TUBA8: variants seen among roughly 807,000 people sequenced by gnomAD.
The protein encoded by TUBA8 is tubulin alpha 8.
In TUBA8, 29 loss-of-function variants were observed where a neutral mutation model predicts 34.7. The ratio of observed to expected loss-of-function variants is 0.84; its 90% confidence interval spans 0.62 to 1.14. TUBA8 has a LOEUF of 1.14. Among genes scored for constraint, TUBA8 ranks in the 50% most tolerant of loss-of-function variants. TUBA8 has a pLI of 0.00. For synonymous variants in TUBA8, 226 were observed against 231.2 expected, an observed-to-expected ratio of 0.98 and a Z score of 0.21; for missense variants, 541 against 599.2, an observed-to-expected ratio of 0.90 and a Z score of 1.01.
rs1370134074 is a variant in TUBA8, at chr22:18,119,903, G to A, written c.4-1576G>A. The A allele has an allele frequency of 6.6e-6, 1 of 152,218 alleles. No homozygotes were observed. 9.4% of individuals were successfully genotyped at this position (152,218 alleles called of 1,614,324 possible). On this transcript the variant is annotated intron_variant, in intron 1 of 4. Transcript: ENST00000330423. This position sits in a 1 kb window ranked among gnomAD's most constrained non-coding sequence, Gnocchi z 5.9. ...GCTCTGCCCCTGGCTTGGGTTACCC[G>A]GAGCTGGAAAATGCCAGGGCAGGTC...
chr22:18,129,087 A>G (rs999078664), intron 4 of TUBA8: 4 of 152,226 alleles, frequency 2.6e-5, no homozygotes, highest in Non-Finnish European at 5.9e-5. Flanking sequence ...TTCTAGCTAC[A>G]TATATAATTT....
chr22:18,122,035 T>A, intron 2 of TUBA8: 6 of 290,706 alleles, frequency 2.1e-5, no homozygotes, highest in Non-Finnish European at 4.0e-5. Context: ...AGTGAGCAAT[T>A]TCCCTAAGTA....
chr22:18,117,790 AAAAG>A (rs1928018056), intron 1 of TUBA8: 3 of 151,620 alleles, frequency 2.0e-5, no homozygotes, highest in East Asian at 3.8e-4. Flanking sequence ...AAAAAAAAAA[AAAAG>A]AAAGTAAATA....
chr22:18,129,237 A>C lies in TUBA8; in HGVS notation c.1057-1606A>C, dbSNP rs898529215. 6 of 152,352 alleles carry C rather than the reference A, an allele frequency of 3.9e-5. No individual in the cohort carries two copies. The East Asian group carries it at 1.2e-3, about 29-fold the overall frequency. The allele number at this position is 152,352 out of a possible 1,614,324, so 9.4% of individuals were successfully genotyped here. On this transcript the variant is annotated intron_variant, in intron 4 of 4. Coordinates refer to ENST00000330423, the MANE Select transcript of TUBA8 (RefSeq NM_018943.3). ...CAGCTAGTAGGAGAATGAATGGGGA[A>C]AAAAGAGAATGAATGAGAGACATGG...
In TUBA8 at chr22:18,121,473, C is replaced by T; in HGVS notation, c.4-6C>T. On this transcript the variant is annotated splice_polypyrimidine_tract_variant and splice_region_variant and intron_variant, in intron 1 of 4. Coordinates refer to ENST00000330423, the MANE Select transcript of TUBA8 (RefSeq NM_018943.3). This position sits in a 1 kb window ranked among gnomAD's most constrained non-coding sequence, Gnocchi z 4.8. ...CTCTGACCTCGTTGCTTCCCTCTCC[C>T]CACAGCGGGAATGCATATCAGTCCA... The T allele has an allele frequency of 6.2e-7, 1 of 1,613,274 alleles. No homozygotes were observed. Among genetic ancestry groups the T allele is most frequent in the Non-Finnish European group, 8.5e-7 (1 of 1,179,198 alleles).
chr22:18,114,333 C>G (rs1020493457), intron 1 of TUBA8: 1 of 152,290 alleles, frequency 6.6e-6, no homozygotes, highest in African/African-American at 2.4e-5. Flanking sequence ...AGCAGATGGC[C>G]TCATGGCCAG....
At chr22:18,120,650 G>A (rs1242456139) in intron 1 of TUBA8, 1 of 152,224 alleles carries the variant, frequency 6.6e-6, no homozygotes, top group African/African-American at 2.4e-5. Flanking sequence ...CCCAGTAACA[G>A]GATTGCTGAG....
At chr22:18,130,504 C>T in intron 4 of TUBA8, 3 of 391,476 alleles carry the variant, frequency 7.7e-6, no homozygotes, top group South Asian at 7.4e-5. Context: ...CTCACTGCAG[C>T]CTTGACCTCA....
rs1480940611 is a variant in TUBA8 at position 18,121,407 on chromosome 22, T to A, written c.4-72T>A. 7.2e-7 allele frequency: 1 copy of A among 1,385,642 alleles called. No homozygotes were observed. The allele number at this position is 1,385,642 out of a possible 1,614,324, so 85.8% of individuals were successfully genotyped here. A position where few individuals can be genotyped will look rare whatever the true frequency, so the allele number is the denominator to read the frequency against. On this transcript the variant is annotated intron_variant, in intron 1 of 4. Coordinates refer to ENST00000330423, the MANE Select transcript of TUBA8 (RefSeq NM_018943.3). The surrounding 1 kb of genome is among the most constrained non-coding windows in gnomAD (Gnocchi z 4.8). ...GCCTGGCTGGCCTGCAAGGTGAATG[T>A]TATGGGGATGTAGGGCAAAGGCATG...
At position 18,124,268 on chromosome 22, in the gene TUBA8, G is replaced by A. The variant is rs780331717; in HGVS notation, c.339G>A (p.Glu113=). The change falls in exon 3 of 5, where the codon GAG becomes GAA. Residue 113 remains glutamate (E), a synonymous_variant. Coordinates refer to ENST00000330423, the MANE Select transcript of TUBA8 (RefSeq NM_018943.3). This position sits in a 1 kb window ranked among gnomAD's most constrained non-coding sequence, Gnocchi z 4.3. ...YARGHYTVGK[E]SIDLVLDRIR... is the part of the protein sequence containing the mutation. ...GGGGCCACTACACGGTGGGCAAGGA[G>A]AGCATTGACCTGGTGCTGGACCGCA... The A allele has an allele frequency of 1.2e-6, 2 of 1,614,166 alleles. No individual in the cohort carries two copies. The highest frequency in any genetic ancestry group is 1.7e-6 in the Non-Finnish European group (2 of 1,180,022).
Position 18,121,220 on chromosome 22 carries a change from A to G in TUBA8, c.4-259A>G. ...AGCCCCTTGCTTCATCTTTGCAACC[A>G]CCCTCCTTTTTTCTTTCCTGGTATA... On this transcript the variant is annotated intron_variant, in intron 1 of 4. Transcript: ENST00000330423. This position sits in a 1 kb window ranked among gnomAD's most constrained non-coding sequence, Gnocchi z 4.8. 4.1e-6 allele frequency: 2 copies of G among 490,794 alleles called. No individual in the cohort carries two copies. Among genetic ancestry groups the G allele is most frequent in the South Asian group, 4.5e-5 (2 of 44,548 alleles). The allele number at this position is 490,794 out of a possible 1,614,324, so 30.4% of individuals were successfully genotyped here.
In TUBA8 at chr22:18,131,092, G is replaced by T; in HGVS notation, c.1306G>T (p.Gly436Trp). The change falls in exon 5 of 5, where the codon GGG becomes TGG. Residue 436 changes from glycine to tryptophan, a missense_variant. Physicochemically the swap from Gly to Trp is radical, Grantham distance 184. Coordinates refer to ENST00000330423, the MANE Select transcript of TUBA8 (RefSeq NM_018943.3). The surrounding 1 kb of genome is among the most constrained non-coding windows in gnomAD (Gnocchi z 5.3). ...CCTGGAGAAGGATTATGAAGAAGTG[G>T]GGACTGATTCGTTTGAAGAAGAAAA... ...AALEKDYEEV[G>W]TDSFEEENEG... The T allele has an allele frequency of 6.2e-7, 1 of 1,614,184 alleles. No homozygotes were observed. The highest frequency in any genetic ancestry group is 8.5e-7 in the Non-Finnish European group (1 of 1,180,032).
At position 18,121,907 on chromosome 22, in the gene TUBA8, C is replaced by T; in HGVS notation, c.226+206C>T. 1 of 582,250 alleles carries T rather than the reference C, an allele frequency of 1.7e-6. No individual in the cohort carries two copies. Among genetic ancestry groups the T allele is most frequent in the Non-Finnish European group, 3.0e-6 (1 of 327,920 alleles). The allele number at this position is 582,250 out of a possible 1,614,324, so 36.1% of individuals were successfully genotyped here. A position where few individuals can be genotyped will look rare whatever the true frequency, so the allele number is the denominator to read the frequency against. ...ACAGTGATCAAGACTCTATGCAGAACAAAATGCCTCCCACTTCAACCCCAA... is the reference window on the plus strand; with the variant it reads ...ACAGTGATCAAGACTCTATGCAGAATAAAATGCCTCCCACTTCAACCCCAA... On this transcript the variant is annotated intron_variant, in intron 2 of 4. Coordinates refer to ENST00000330423, the MANE Select transcript of TUBA8 (RefSeq NM_018943.3). The surrounding 1 kb of genome is among the most constrained non-coding windows in gnomAD (Gnocchi z 4.8).
chr22:18,116,984 C>T (rs527900545), intron 1 of TUBA8: 12 of 152,356 alleles, frequency 7.9e-5, no homozygotes, highest in Admixed American at 2.6e-4. Context: ...AATGTAGGCG[C>T]GTAGTCAATT....
At position 18,121,392 on chromosome 22, in the gene TUBA8, C is replaced by A; in HGVS notation, c.4-87C>A. The A allele has an allele frequency of 8.1e-7, 1 of 1,237,130 alleles. No homozygotes were observed. Among genetic ancestry groups the A allele is most frequent in the Non-Finnish European group, 1.2e-6 (1 of 838,914 alleles). The allele number at this position is 1,237,130 out of a possible 1,614,324, so 76.6% of individuals were successfully genotyped here. A position where few individuals can be genotyped will look rare whatever the true frequency, so the allele number is the denominator to read the frequency against. ...CAATGGGGGGCTGGGGCCTGGCTGG[C>A]CTGCAAGGTGAATGTTATGGGGATG... On this transcript the variant is annotated intron_variant, in intron 1 of 4. Transcript: ENST00000330423. This position sits in a 1 kb window ranked among gnomAD's most constrained non-coding sequence, Gnocchi z 4.8.
At chr22:18,113,228 A>T (rs867978595) in intron 1 of TUBA8, 10 of 152,280 alleles carry the variant, frequency 6.6e-5, no homozygotes, top group Middle Eastern at 3.4e-3. Context: ...GCCTAAAGTG[A>T]CACAGCTGGT....
chr22:18,111,180 G>T lies in TUBA8; in HGVS notation c.3+312G>T. On this transcript the variant is annotated intron_variant, in intron 1 of 4. Coordinates refer to ENST00000330423, the MANE Select transcript of TUBA8 (RefSeq NM_018943.3). The surrounding 1 kb of genome is among the most constrained non-coding windows in gnomAD (Gnocchi z 5.1). ...AGGGGGCGAGATTCTGGGGTCCCCA[G>T]ATGGGCAGCCTGTGGACAGAGTGGA... 1.8e-6 allele frequency: 1 copy of T among 546,100 alleles called. No individual in the cohort carries two copies. The highest frequency in any genetic ancestry group is 3.3e-6 in the Non-Finnish European group (1 of 305,548). 33.8% of individuals were successfully genotyped at this position (546,100 alleles called of 1,614,324 possible).
chr22:18,111,832 G>C lies in TUBA8; in HGVS notation c.3+964G>C, dbSNP rs1927822416. On this transcript the variant is annotated intron_variant, in intron 1 of 4. Coordinates refer to ENST00000330423, the MANE Select transcript of TUBA8 (RefSeq NM_018943.3). This position sits in a 1 kb window ranked among gnomAD's most constrained non-coding sequence, Gnocchi z 5.1. ...GGTTCCCTGGGCAGGCTTGCTCCAG[G>C]TGTCAGTGATCCAGAAAGCAGGCGA... The C allele has an allele frequency of 6.6e-6, 1 of 152,370 alleles. No homozygotes were observed. The highest frequency in any genetic ancestry group is 6.5e-5 in the Admixed American group (1 of 15,282). 9.4% of individuals were successfully genotyped at this position (152,370 alleles called of 1,614,324 possible).
At chr22:18,130,570 A>G (rs1193885854) in intron 4 of TUBA8, 1 of 512,338 alleles carries the variant, frequency 2.0e-6, no homozygotes, top group Non-Finnish European at 3.5e-6. Flanking sequence ...ACTAGTAGGC[A>G]TAGCCACCGG....
Sources: gnomAD v4.1 joint callset for allele counts on GRCh38, gnomAD v4.1.1 for gene constraint, Gnocchi (gnomAD v3.1) non-coding constraint, MANE v1.5 for transcripts, NCBI Gene and HGNC (gene_info 2026-07-23, HGNC 2026-07-21) for gene names.